Variants in SGCD observed in about 807,000 individuals in gnomAD.
SGCD encodes delta-sarcoglycan.
A neutral mutation model predicts 36.6 loss-of-function variants in SGCD; 18 were observed. The ratio of observed to expected loss-of-function variants is 0.49; its 90% CI spans 0.34 to 0.73. The LOEUF (loss-of-function observed/expected upper bound fraction) is 0.73. SGCD is among the 30% of genes least tolerant of loss of function. The pLI, the probability that SGCD is intolerant of heterozygous loss-of-function variation, is 0.01. For synonymous variants in SGCD, 133 were observed against 130.6 expected (o/e 1.02, Z -0.12); for missense variants, 387 against 346.7 (o/e 1.12, Z -0.92).
intron 7 of SGCD, among the ~76,000 whole-genome samples, chr5:156,693,292 A>C (rs973041281): frequency 6.6e-6 from 1 of 152,156 alleles, no homozygotes; most frequent in African/African-American, 2.4e-5. Flanking sequence ...GAAACAAGTA[A>C]GTTTAGAGCT....
chr5:156,713,614 C>G (rs575726947), intron 7 of SGCD, among the ~76,000 whole-genome samples: 91 of 152,294 alleles, frequency 6.0e-4, no homozygotes, highest in Admixed American at 2.4e-3. Flanking sequence ...GATAAGAGGT[C>G]CTCAGAGAAA....
intron 6 of SGCD, among the ~76,000 whole-genome samples, chr5:156,641,831 T>C (rs1484264390): frequency 1.3e-5 from 2 of 152,164 alleles, no homozygotes; most frequent in African/African-American, 2.4e-5. Context: ...TTCTCTATGC[T>C]TACTACCAAT....
At chr5:156,567,696 TTGACAACG>T (rs1217004363) in intron 4 of SGCD, among the ~76,000 whole-genome samples, 2 of 152,214 alleles carry the variant, frequency 1.3e-5, no homozygotes, top group Admixed American at 1.3e-4. Context: ...ATGCTCATAA[TTGACAACG>T]TGAGCTCAGA....
At chr5:156,256,904 C>T (rs1416762029) in intron 3 of SGCD, among the ~76,000 whole-genome samples, 8 of 152,186 alleles carry the variant, frequency 5.3e-5, no homozygotes, top group Admixed American at 3.3e-4. Context: ...TGAGGCTGAG[C>T]GTGGTGGCTC....
the SGCD span, among the ~76,000 whole-genome samples, chr5:155,823,458 A>G: frequency 3.9e-5 from 6 of 152,162 alleles, no homozygotes; most frequent in Non-Finnish European, 7.3e-5. Flanking sequence ...CTCATTTCAT[A>G]GGAAAACACC....
At chr5:155,794,894 A>G in the SGCD span, among the ~76,000 whole-genome samples, 1 of 152,218 alleles carries the variant, frequency 6.6e-6, no homozygotes, top group Admixed American at 6.5e-5. Context: ...ACTGATGACA[A>G]CCATAAGAAG....
chr5:155,934,677 C>T (rs1356675735), intron 1 of SGCD, among the ~76,000 whole-genome samples: 2 of 152,216 alleles, frequency 1.3e-5, no homozygotes, highest in South Asian at 2.1e-4. Flanking sequence ...TGCTCAGCAT[C>T]TGAACCTTGT....
the SGCD span, among the ~76,000 whole-genome samples, chr5:155,778,325 A>G: frequency 6.6e-6 from 1 of 152,190 alleles, no homozygotes; most frequent in Non-Finnish European, 1.5e-5. Flanking sequence ...TGCATATGCA[A>G]TATTCTCTAT....
At chr5:156,511,270 C>T (rs985688757) in intron 4 of SGCD, among the ~76,000 whole-genome samples, 3 of 152,074 alleles carry the variant, frequency 2.0e-5, no homozygotes, top group East Asian at 1.9e-4. Flanking sequence ...TAATAAAATC[C>T]GTAAGTCATG....
At chr5:155,801,360 C>T in the SGCD span, among the ~76,000 whole-genome samples, 1 of 152,172 alleles carries the variant, frequency 6.6e-6, no homozygotes, top group African/African-American at 2.4e-5. Flanking sequence ...TCATTTTACT[C>T]CCTCTTGGCT....
At chr5:155,934,089 C>G (rs777222120) in intron 1 of SGCD, among the ~76,000 whole-genome samples, 1 of 152,186 alleles carries the variant, frequency 6.6e-6, no homozygotes, top group Non-Finnish European at 1.5e-5. Flanking sequence ...ATTAATCAAG[C>G]TTTGGCAGAA....
At chr5:156,579,470 T>G (rs1422161787) in intron 4 of SGCD, among the ~76,000 whole-genome samples, 2 of 152,188 alleles carry the variant, frequency 1.3e-5, no homozygotes, top group African/African-American at 4.8e-5. Context: ...ATATCATTGT[T>G]AACCTTCTGT....
intron 3 of SGCD, among the ~76,000 whole-genome samples, chr5:156,290,339 C>G (rs114657780): frequency 6.6e-6 from 1 of 152,122 alleles, no homozygotes; most frequent in Non-Finnish European, 1.5e-5. Context: ...CCACAGTGGT[C>G]ATTATGTTCA....
At chr5:156,701,060 T>A (rs1160946288) in intron 7 of SGCD, among the ~76,000 whole-genome samples, 1 of 152,186 alleles carries the variant, frequency 6.6e-6, no homozygotes, top group African/African-American at 2.4e-5. Flanking sequence ...CTTTCATGGT[T>A]TTAAATACCA....
At chr5:155,861,641 C>G in the SGCD span, among the ~76,000 whole-genome samples, 1 of 152,132 alleles carries the variant, frequency 6.6e-6, no homozygotes, top group South Asian at 2.1e-4. Flanking sequence ...TCTCTTGAAC[C>G]CAGAAGGTGG....
chr5:155,742,396 G>A, the SGCD span, among the ~76,000 whole-genome samples: 5 of 152,076 alleles, frequency 3.3e-5, no homozygotes. Flanking sequence ...GACATGTAAA[G>A]ACAATGCTTT....
chr5:156,484,583 C>T (rs1755575452), intron 3 of SGCD, among the ~76,000 whole-genome samples: 1 of 152,182 alleles, frequency 6.6e-6, no homozygotes, highest in African/African-American at 2.4e-5. Flanking sequence ...TTAAACTGTA[C>T]ATTTTTTCAA....
At chr5:156,113,647 T>C (rs1761843455) in intron 1 of SGCD, among the ~76,000 whole-genome samples, 1 of 152,198 alleles carries the variant, frequency 6.6e-6, no homozygotes, top group Non-Finnish European at 1.5e-5. Flanking sequence ...GATACAGCTA[T>C]CATATTCTTG....
At chr5:155,925,476 C>T (rs1756977395) in intron 1 of SGCD, among the ~76,000 whole-genome samples, 1 of 152,202 alleles carries the variant, frequency 6.6e-6, no homozygotes. Context: ...CTGTGGTCGT[C>T]ATCAATCCTT....
Sources: gnomAD v4.1 joint callset for allele counts (sites outside exome capture counted in the v4.1 genomes callset) on GRCh38, gnomAD v4.1.1 for gene constraint, MANE v1.5 for transcripts, NCBI Gene and HGNC (gene_info 2026-07-23, HGNC 2026-07-21) for gene names.